CHIC2: variants seen among roughly 807,000 people sequenced by gnomAD.
CHIC2 encodes cysteine rich hydrophobic domain 2.
Under a neutral mutation model 25.9 loss-of-function variants are expected in CHIC2, and 14 were observed. That is an observed-to-expected ratio of 0.54 (90% CI 0.36 to 0.85). CHIC2 has a LOEUF of 0.85. Ranked by LOEUF, CHIC2 falls within the 40% of genes least tolerant of loss-of-function variation. The pLI is 0.01. For synonymous variants in CHIC2, 70 were observed against 72.0 expected (o/e 0.97, Z 0.14); for missense variants, 146 against 202.0 (o/e 0.72, Z 1.68).
At chr4:54,062,329 TTTTATTTATTTATTTA>T (rs59288511) in intron 1 of CHIC2, among the ~76,000 whole-genome samples, 4 of 151,334 alleles carry the variant, frequency 2.6e-5, no homozygotes, top group Admixed American at 2.6e-4. Context: ...ACCTGTGAGA[TTTTATTTATTTATTTA>T]TTTATTTATT....
At chr4:54,065,396 A>C (rs1382725304), upstream of CHIC2, 5 of 850,054 alleles carry the variant, frequency 5.9e-6, no homozygotes, top group African/African-American at 1.8e-5. Flanking sequence ...AATCTTAGGG[A>C]ATTCCTTTCC....
At chr4:54,066,887 T>C (rs1443346443), upstream of CHIC2, among the ~76,000 whole-genome samples, 1 of 152,224 alleles carries the variant, frequency 6.6e-6, no homozygotes, top group Non-Finnish European at 1.5e-5. Context: ...TGGCTGTGGC[T>C]GAGAATTCAC....
intron 5 of CHIC2, among the ~76,000 whole-genome samples, chr4:54,012,821 A>G (rs951090499): frequency 6.6e-6 from 1 of 152,148 alleles, no homozygotes; most frequent in Non-Finnish European, 1.5e-5. Context: ...AAGACATTTT[A>G]AAAATATTTT....
chr4:54,048,819 C>A, intron 3 of CHIC2, 136 bp downstream of exon 3: 3 of 673,744 alleles, frequency 4.5e-6, no homozygotes, highest in Non-Finnish European at 6.9e-6. Context: ...CTGACTCACT[C>A]CTCTCCTGGA....
intron 1 of CHIC2, among the ~76,000 whole-genome samples, chr4:54,061,955 T>C (rs1192785328): frequency 6.6e-6 from 1 of 152,156 alleles, no homozygotes; most frequent in Non-Finnish European, 1.5e-5. Context: ...CACCTGTTTC[T>C]CAAAGTGGAA....
the CHIC2 span, among the ~76,000 whole-genome samples, chr4:54,088,582 G>A: frequency 6.6e-6 from 1 of 152,214 alleles, no homozygotes; most frequent in Non-Finnish European, 1.5e-5. Flanking sequence ...AAGGAAAACA[G>A]AGGGAGCAAG....
the CHIC2 span, among the ~76,000 whole-genome samples, chr4:54,083,282 T>G: frequency 6.6e-6 from 1 of 152,266 alleles, no homozygotes; most frequent in East Asian, 1.9e-4. Flanking sequence ...CCCAAAGTGC[T>G]GGGATTACAG....
At chr4:54,031,958 G>GTT (rs1439024733) in intron 3 of CHIC2, among the ~76,000 whole-genome samples, 1 of 151,996 alleles carries the variant, frequency 6.6e-6, no homozygotes, top group Admixed American at 6.6e-5. Flanking sequence ...ACAAAGAAGG[G>GTT]TTTAGAGTGA....
chr4:54,062,707 G>C (rs1717374827), intron 1 of CHIC2, among the ~76,000 whole-genome samples: 1 of 152,170 alleles, frequency 6.6e-6, no homozygotes, highest in Admixed American at 6.6e-5. Context: ...GAGGAATGTA[G>C]AAGGAGGGAT....
chr4:54,025,638 C>G (rs553979202), intron 3 of CHIC2, among the ~76,000 whole-genome samples: 39 of 152,068 alleles, frequency 2.6e-4, no homozygotes, highest in Non-Finnish European at 1.9e-4. Context: ...AAGGGCGGAT[C>G]ACTTGAGCCT....
At chr4:54,066,290 C>A (rs971560135), upstream of CHIC2, among the ~76,000 whole-genome samples, 1 of 152,264 alleles carries the variant, frequency 6.6e-6, no homozygotes, top group East Asian at 1.9e-4. Context: ...GGCTTAAGAT[C>A]GGTGAAGTGC....
At chr4:54,079,160 T>C in the CHIC2 span, among the ~76,000 whole-genome samples, 1 of 152,036 alleles carries the variant, frequency 6.6e-6, no homozygotes, top group Admixed American at 6.6e-5. Flanking sequence ...GAGGTTGCAG[T>C]GAGCTGAGAT....
the CHIC2 span, among the ~76,000 whole-genome samples, chr4:54,079,222 CAAAG>C: frequency 4.6e-5 from 7 of 151,928 alleles, no homozygotes; most frequent in Non-Finnish European, 8.8e-5. Flanking sequence ...TTAAAGCAAA[CAAAG>C]AAACAACAAC....
At chr4:54,087,593 G>T in the CHIC2 span, 1,975 of 777,928 alleles carry the variant, frequency 2.5e-3, 36 homozygotes, top group African/African-American at 0.031. Context: ...GGTTTAAGGG[G>T]CACACACCTA....
intron 3 of CHIC2, among the ~76,000 whole-genome samples, chr4:54,034,612 G>A (rs938734157): frequency 6.6e-6 from 1 of 151,704 alleles, no homozygotes; most frequent in Non-Finnish European, 1.5e-5. Context: ...TGTTGATAGG[G>A]TATAGCTTTG....
the CHIC2 span, among the ~76,000 whole-genome samples, chr4:54,091,034 A>T: frequency 2.5e-4 from 38 of 152,016 alleles, no homozygotes; most frequent in Admixed American, 2.6e-4. Context: ...AGCCTGGCAT[A>T]CTATAGGCAC....
At chr4:54,065,293 T>C (rs1054216130), upstream of CHIC2, 1 of 983,888 alleles carries the variant, frequency 1.0e-6, no homozygotes, top group African/African-American at 1.7e-5. Context: ...GAAAAAAAAC[T>C]GATAAATTAC....
the CHIC2 span, among the ~76,000 whole-genome samples, chr4:54,070,992 A>C: frequency 3.3e-5 from 5 of 152,154 alleles, no homozygotes; most frequent in Non-Finnish European, 5.9e-5. Context: ...GTAATAGAAA[A>C]TAGCACTTCT....
chr4:54,053,940 G>A (rs1461784041), intron 1 of CHIC2, among the ~76,000 whole-genome samples: 2 of 151,982 alleles, frequency 1.3e-5, no homozygotes, highest in Non-Finnish European at 2.9e-5. Context: ...ACAGGTGCTC[G>A]CCACCATGCT....
Sources: allele counts gnomAD v4.1 joint callset (sites outside exome capture counted in the v4.1 genomes callset), GRCh38; gene constraint gnomAD v4.1.1; transcripts MANE v1.5; gene names NCBI Gene and HGNC (gene_info 2026-07-23, HGNC 2026-07-21).